Variants in ZBTB46 observed in about 807,000 individuals in gnomAD.
ZBTB46 encodes zinc finger and BTB domain-containing protein 46.
In ZBTB46, 8 loss-of-function variants were observed where a neutral mutation model predicts 44.1. That is an observed-to-expected ratio of 0.18 (90% CI 0.11 to 0.33). ZBTB46 has a LOEUF of 0.33. ZBTB46 is among the 10% of genes least tolerant of loss of function. ZBTB46 has a pLI of 1.00. For missense variants in ZBTB46, 651 were observed against 847.7 expected, an observed-to-expected ratio of 0.77 and a Z score of 2.88; for synonymous variants, 409 against 382.3, an observed-to-expected ratio of 1.07 and a Z score of -0.81.
intron 1 of ZBTB46, among the ~76,000 whole-genome samples, chr20:63,817,789 G>C (rs1163702807): frequency 1.3e-5 from 2 of 151,978 alleles, no homozygotes; most frequent in African/African-American, 2.4e-5. Context: ...ACTGTGTGAA[G>C]ACAGAGGCAG....
chr20:63,765,884 T>C (rs916943196), intron 3 of ZBTB46, among the ~76,000 whole-genome samples: 2 of 152,254 alleles, frequency 1.3e-5, no homozygotes, highest in Non-Finnish European at 2.9e-5. Flanking sequence ...GGCACATGTC[T>C]ACAATTTTTA....
intron 1 of ZBTB46, among the ~76,000 whole-genome samples, chr20:63,791,495 CAAA>C (rs59810640): frequency 1.6e-5 from 1 of 61,204 alleles, no homozygotes; most frequent in African/African-American, 7.0e-5. Flanking sequence ...GACTCCATCT[CAAA>C]AAAAAAAAAA....
chr20:63,788,762 C>G (rs1005557238), intron 2 of ZBTB46, among the ~76,000 whole-genome samples: 7 of 151,444 alleles, frequency 4.6e-5, no homozygotes, highest in South Asian at 2.1e-4. Context: ...TCACTTGAAT[C>G]CGGGAGACAG....
chr20:63,774,787 T>TACGC (rs2092409096), intron 3 of ZBTB46, among the ~76,000 whole-genome samples: 1 of 147,566 alleles, frequency 6.8e-6, no homozygotes. Context: ...CACTGCAAGC[T>TACGC]CTGCCTGCCG....
chr20:63,775,601 C>G (rs999045592), intron 3 of ZBTB46, 77 bp downstream of exon 3: 23 of 1,496,988 alleles, frequency 1.5e-5, no homozygotes, highest in Non-Finnish European at 2.0e-5. Flanking sequence ...AGCCTCATCT[C>G]ATCTTGGCCC....
chr20:63,755,700 C>T (rs1419405453), intron 3 of ZBTB46, among the ~76,000 whole-genome samples: 2 of 147,846 alleles, frequency 1.4e-5, no homozygotes, highest in East Asian at 2.4e-4. Context: ...AAAATAATTT[C>T]TTACTGGAAA....
chr20:63,793,763 C>G (rs2092579801), intron 1 of ZBTB46, among the ~76,000 whole-genome samples: 1 of 76,098 alleles, frequency 1.3e-5, no homozygotes, highest in Non-Finnish European at 2.7e-5. Context: ...ATAAGTTCAA[C>G]TTAAATCAAA....
intron 3 of ZBTB46, among the ~76,000 whole-genome samples, chr20:63,759,230 T>C (rs903646623): frequency 2.6e-5 from 4 of 152,116 alleles, no homozygotes; most frequent in Non-Finnish European, 5.9e-5. Context: ...AGAAATACAA[T>C]TGACTTTTGT....
At chr20:63,809,121 G>A (rs918676282) in intron 1 of ZBTB46, among the ~76,000 whole-genome samples, 1 of 152,034 alleles carries the variant, frequency 6.6e-6, no homozygotes, top group African/African-American at 2.4e-5. Flanking sequence ...CGCCTTCCAC[G>A]TTCCCCTTCG....
At chr20:63,816,008 ACAGGTGCAGTGGGCG>A (rs916928086) in intron 1 of ZBTB46, among the ~76,000 whole-genome samples, 1 of 130,312 alleles carries the variant, frequency 7.7e-6, no homozygotes, top group Admixed American at 7.6e-5. Context: ...ACAGGTGGGC[ACAGGTGCAGTGGGCG>A]CAGGTGGGCA....
intron 1 of ZBTB46, chr20:63,807,933 G>A (rs1013038398): frequency 5.6e-5 from 8 of 143,178 alleles, no homozygotes; most frequent in Admixed American, 1.4e-4. Context: ...GGACACTCAC[G>A]GAAGCTGAAC....
intron 2 of ZBTB46, among the ~76,000 whole-genome samples, chr20:63,777,243 G>A (rs1268540908): frequency 6.6e-6 from 1 of 152,200 alleles, no homozygotes; most frequent in Non-Finnish European, 1.5e-5. Flanking sequence ...GCTAAGACCG[G>A]AAGATCTATT....
intron 1 of ZBTB46, among the ~76,000 whole-genome samples, chr20:63,800,878 C>T (rs1568885225): frequency 6.6e-6 from 1 of 152,248 alleles, no homozygotes; most frequent in Admixed American, 6.5e-5. Flanking sequence ...TGCTCTACCG[C>T]GCTGGGTCCC....
chr20:63,768,157 C>T (rs1263266261), intron 3 of ZBTB46: 1 of 984,338 alleles, frequency 1.0e-6, no homozygotes, highest in Admixed American at 6.2e-5. Flanking sequence ...AATAAAGAGA[C>T]ACTCAAAAAT....
intron 3 of ZBTB46, among the ~76,000 whole-genome samples, chr20:63,773,015 A>G (rs4809339): frequency 0.94 from 142,694 of 152,138 alleles, 66,968 homozygotes; most frequent in East Asian, 0.99. Flanking sequence ...GAGCTGGGGT[A>G]TGTGTTCCCC....
At chr20:63,775,012 T>C (rs1462803659) in intron 3 of ZBTB46, among the ~76,000 whole-genome samples, 2 of 152,142 alleles carry the variant, frequency 1.3e-5, no homozygotes, top group Non-Finnish European at 2.9e-5. Flanking sequence ...CCCTTTGTTT[T>C]TTTAAACTCC....
chr20:63,831,294 C>G (rs1431442938), upstream of ZBTB46: 2 of 113,838 alleles, frequency 1.8e-5, no homozygotes, highest in Non-Finnish European at 3.7e-5. Context: ...CCCCGCGGCC[C>G]CCGCCGCCCG....
rs900047870 is a variant in ZBTB46 at position 63,744,020 on chromosome 20, T to G, written c.*2910A>C. 1 of 150,758 alleles carries G rather than the reference T, an allele frequency of 6.6e-6. No individual in the cohort carries two copies. Among genetic ancestry groups the G allele is most frequent in the Admixed American group, 6.6e-5 (1 of 15,238 alleles). 9.3% of individuals were successfully genotyped at this position (150,758 alleles called of 1,614,324 possible). ...TGTTTTTGTTGACAGGTTGAAAGCA[T>G]GTTGAAAAAAATAAATATTTAAGAA... is the stretch of plus-strand genomic sequence containing the variant. On this transcript the variant is annotated 3_prime_UTR_variant, in exon 5 of 5. Transcript: ENST00000245663.
chr20:63,820,599 AT>A (rs1450465671), intron 1 of ZBTB46, among the ~76,000 whole-genome samples: 1 of 148,724 alleles, frequency 6.7e-6, no homozygotes, highest in Admixed American at 6.7e-5. Flanking sequence ...TGCCCAGCTA[AT>A]TTTGAATGTT....
Sources: gnomAD v4.1 joint callset for allele counts (sites outside exome capture counted in the v4.1 genomes callset) on GRCh38, gnomAD v4.1.1 for gene constraint, MANE v1.5 for transcripts, NCBI Gene and HGNC (gene_info 2026-07-23, HGNC 2026-07-21) for gene names.